SLC25A17: variants seen among roughly 807,000 people sequenced by gnomAD.
SLC25A17 encodes peroxisomal membrane protein PMP34.
In SLC25A17, 26 loss-of-function variants were observed where a neutral mutation model predicts 38.5. The observed-to-expected ratio is 0.68, with a 90% CI of 0.50 to 0.94. SLC25A17 has a LOEUF of 0.94. Among genes scored for constraint, SLC25A17 ranks in the 40% least tolerant of loss-of-function variants. SLC25A17 has a pLI of 0.00. For synonymous variants in SLC25A17, 139 were observed against 136.2 expected (o/e 1.02, Z -0.14); for missense variants, 333 against 372.7 (o/e 0.89, Z 0.88).
chr22:40,782,278 G>A lies in SLC25A17; in HGVS notation c.335-3153C>T, dbSNP rs149613593. On this transcript the variant is annotated intron_variant, in intron 4 of 8. Transcript: ENST00000435456. ...CTTCCGCCAGTTCCAAGCTGTGGAT[G>A]CTACTTCCGCTCTAAAGTAGAAATA... Among the ~76,000 whole-genome samples, 215 of 152,254 alleles carry A rather than the reference G, an allele frequency of 1.4e-3. 1 individual carries two copies. The highest frequency in any genetic ancestry group is 4.8e-3 in the African/African-American group (201 of 41,550).
At chr22:40,810,214 C>T (rs978291526) in intron 1 of SLC25A17, among the ~76,000 whole-genome samples, 1 of 152,132 alleles carries the variant, frequency 6.6e-6, no homozygotes, top group Non-Finnish European at 1.5e-5. Context: ...TTTTTGTATA[C>T]TGGTGGTCCC....
At chr22:40,811,432 G>C (rs1380799763) in intron 1 of SLC25A17, among the ~76,000 whole-genome samples, 1 of 149,762 alleles carries the variant, frequency 6.7e-6, no homozygotes, top group Non-Finnish European at 1.5e-5. Context: ...TTTATTTCTA[G>C]ATTTCTTTTT....
Position 40,794,587 on chromosome 22 carries a change from G to A in SLC25A17, c.116-7C>T, listed in dbSNP as rs2057411105. On this transcript the variant is annotated splice_region_variant and splice_polypyrimidine_tract_variant and intron_variant, in intron 2 of 8. Coordinates refer to ENST00000435456, the MANE Select transcript of SLC25A17 (RefSeq NM_006358.4). ...GATTTTCTTTTCTCATCAACTACAAGACCAAACAGTGCATGTTTATTTTAT... is the reference window on the plus strand; with the variant it reads ...GATTTTCTTTTCTCATCAACTACAAAACCAAACAGTGCATGTTTATTTTAT... The A allele has an allele frequency of 6.3e-7, 1 of 1,591,762 alleles. No individual in the cohort carries two copies. The highest frequency in any genetic ancestry group is 1.7e-4 in the Middle Eastern group (1 of 5,996).
At chr22:40,791,235 G>A (rs1175380605) in intron 4 of SLC25A17, among the ~76,000 whole-genome samples, 4 of 152,186 alleles carry the variant, frequency 2.6e-5, no homozygotes, top group Admixed American at 2.6e-4. Context: ...AAGGCACGAA[G>A]AGCCTGTGAT....
intron 4 of SLC25A17, among the ~76,000 whole-genome samples, chr22:40,784,269 G>T (rs1173582528): frequency 1.3e-5 from 2 of 152,000 alleles, no homozygotes. Flanking sequence ...GTGGGAAAGG[G>T]TATATACTTT....
At chr22:40,779,338 G>A in intron 4 of SLC25A17, 2 of 1,327,860 alleles carry the variant, frequency 1.5e-6, no homozygotes, top group South Asian at 1.6e-5. Flanking sequence ...ATGGCTGGCG[G>A]CAGCAGCTCT....
In SLC25A17 at chr22:40,770,649, G is replaced by A. The variant is rs188985685; in HGVS notation, c.*185C>T. 2.2e-6 allele frequency: 1 copy of A among 447,662 alleles called. No homozygotes were observed. The highest frequency in any genetic ancestry group is 3.6e-5 in the East Asian group (1 of 27,728). The allele number at this position is 447,662 out of a possible 1,614,324, so 27.7% of individuals were successfully genotyped here. A position where few individuals can be genotyped will look rare whatever the true frequency, so the allele number is the denominator to read the frequency against. ...TGCCACCCCAAAATCCAACCAGCCA[G>A]CATGACAATTAAGGTGACAACAGGT... On this transcript the variant is annotated 3_prime_UTR_variant, in exon 9 of 9. Coordinates refer to ENST00000435456, the MANE Select transcript of SLC25A17 (RefSeq NM_006358.4).
intron 1 of SLC25A17, among the ~76,000 whole-genome samples, chr22:40,803,081 G>A (rs976428728): frequency 6.6e-6 from 1 of 152,040 alleles, no homozygotes; most frequent in Non-Finnish European, 1.5e-5. Flanking sequence ...ATTTGCTATC[G>A]TCACCATAGT....
At chr22:40,784,802 A>G (rs895233205) in intron 4 of SLC25A17, among the ~76,000 whole-genome samples, 6 of 151,300 alleles carry the variant, frequency 4.0e-5, no homozygotes, top group African/African-American at 7.3e-5. Flanking sequence ...AAAAAAAAAA[A>G]AAAGAAAAGG....
intron 1 of SLC25A17, among the ~76,000 whole-genome samples, chr22:40,809,409 G>A (rs149331955): frequency 2.5e-4 from 38 of 151,610 alleles, no homozygotes; most frequent in African/African-American, 8.7e-4. Flanking sequence ...GAGCCCAGGA[G>A]TTCGAGACCA....
chr22:40,808,840 T>C (rs1190828258), intron 1 of SLC25A17, among the ~76,000 whole-genome samples: 1 of 152,236 alleles, frequency 6.6e-6, no homozygotes, highest in East Asian at 1.9e-4. Context: ...TTCATAAGAA[T>C]CATTATGAAA....
intron 1 of SLC25A17, among the ~76,000 whole-genome samples, chr22:40,816,121 G>A (rs930409441): frequency 4.0e-5 from 6 of 151,816 alleles, no homozygotes; most frequent in Admixed American, 6.6e-5. Flanking sequence ...CCCAGGAGGC[G>A]GAGGTTGTGG....
Position 40,770,957 on chromosome 22 carries a change from G to C in SLC25A17, c.801C>G (p.Tyr267Ter). ...GCAGCAGTTTGGCTTCAAGGCCTTTGTAGAGTCCCATTATTCCAAAACGTC... is the reference window on the plus strand; with the variant it reads ...GCAGCAGTTTGGCTTCAAGGCCTTTCTAGAGTCCCATTATTCCAAAACGTC... ...RVRRFGIMGL[Y>*]KGLEAKLLQT... Residue 267 changes from tyrosine (Y) to a stop codon, truncating the protein, a stop_gained, in exon 9 of 9, where the codon TAC becomes TAG. Coordinates refer to ENST00000435456, the MANE Select transcript of SLC25A17 (RefSeq NM_006358.4). LOFTEE classifies it high-confidence loss of function. 1 of 1,603,564 alleles carries C rather than the reference G, an allele frequency of 6.2e-7. No individual in the cohort carries two copies. Among genetic ancestry groups the C allele is most frequent in the South Asian group, 1.1e-5 (1 of 90,148 alleles).
intron 4 of SLC25A17, among the ~76,000 whole-genome samples, chr22:40,788,261 C>A (rs947751671): frequency 5.9e-5 from 9 of 152,104 alleles, no homozygotes; most frequent in African/African-American, 2.2e-4. Flanking sequence ...TTAAATGAAT[C>A]TTTTTAGTGC....
intron 8 of SLC25A17, 107 bp downstream of exon 8, chr22:40,773,830 G>A (rs1005363813): frequency 3.8e-6 from 3 of 797,600 alleles, no homozygotes; most frequent in Non-Finnish European, 6.7e-6. Flanking sequence ...AGGTTTTGGA[G>A]GTTGCCACCA....
At chr22:40,813,421 C>G (rs1325039583) in intron 1 of SLC25A17, among the ~76,000 whole-genome samples, 2 of 152,062 alleles carry the variant, frequency 1.3e-5, no homozygotes, top group African/African-American at 4.8e-5. Context: ...ACCTGTAGTC[C>G]CAGGTACTCT....
chr22:40,786,062 G>A (rs1453679638), intron 4 of SLC25A17, among the ~76,000 whole-genome samples: 1 of 152,224 alleles, frequency 6.6e-6, no homozygotes, highest in Non-Finnish European at 1.5e-5. Flanking sequence ...TGTAATCCCA[G>A]CACTTTGGGA....
intron 4 of SLC25A17, among the ~76,000 whole-genome samples, chr22:40,787,568 A>G (rs1006410300): frequency 8.5e-5 from 13 of 152,214 alleles, no homozygotes; most frequent in African/African-American, 3.1e-4. Context: ...CTATAAAAGT[A>G]TACCAGCAGG....
chr22:40,775,653 C>T (rs1318090198), intron 7 of SLC25A17, among the ~76,000 whole-genome samples: 5 of 150,920 alleles, frequency 3.3e-5, no homozygotes, highest in African/African-American at 7.3e-5. Context: ...TTAGTAGAGA[C>T]GGGGTTTCAC....
Sources: gnomAD v4.1 joint callset for allele counts (sites outside exome capture counted in the v4.1 genomes callset) on GRCh38, gnomAD v4.1.1 for gene constraint, MANE v1.5 for transcripts, NCBI Gene and HGNC (gene_info 2026-07-23, HGNC 2026-07-21) for gene names.